The following MMP16 variants were observed in gnomAD, a reference collection of about 807,000 sequenced individuals.
MMP16 encodes the protein matrix metalloproteinase-16.
MMP16 carries 12 observed loss-of-function variants against 67.8 expected under a neutral mutation model. The observed-to-expected ratio is 0.18, with a 90% confidence interval of 0.11 to 0.29. The LOEUF is 0.29. Ranked by LOEUF, MMP16 falls within the 10% of genes least tolerant of loss-of-function variation. The probability of loss-of-function intolerance (pLI) is 1.00; values close to 1 mark genes in which losing one functional copy is unlikely to be tolerated. For synonymous variants in MMP16, 249 were observed against 255.9 expected (o/e 0.97, Z 0.26); for missense variants, 475 against 765.7 (o/e 0.62, Z 4.48).
intron 3 of MMP16, among the ~76,000 whole-genome samples, chr8:88,173,404 G>GA (rs902699680): frequency 1.7e-4 from 26 of 151,402 alleles, no homozygotes; most frequent in African/African-American, 4.6e-4. Context: ...CCTAATATTA[G>GA]AAAAAAAACT....
intron 1 of MMP16, among the ~76,000 whole-genome samples, chr8:88,203,751 CTGGTTGT>C (rs1187389020): frequency 7.9e-5 from 12 of 152,116 alleles, no homozygotes; most frequent in Admixed American, 5.2e-4. Flanking sequence ...TAGATGTTTG[CTGGTTGT>C]TTCATAGCAA....
chr8:88,161,564 T>C (rs1206139890), intron 4 of MMP16, among the ~76,000 whole-genome samples: 1 of 152,204 alleles, frequency 6.6e-6, no homozygotes, highest in Non-Finnish European at 1.5e-5. Flanking sequence ...AGTTCTTCTC[T>C]GATCTTAGTT....
At chr8:88,304,511 T>A (rs1811183079) in intron 1 of MMP16, among the ~76,000 whole-genome samples, 1 of 152,048 alleles carries the variant, frequency 6.6e-6, no homozygotes, top group Non-Finnish European at 1.5e-5. Flanking sequence ...TCTCCATGGT[T>A]GAAATGACAG....
rs549757585 is a variant in MMP16, at chr8:88,032,804, A to G, written c.*8657T>C. ...GCACACCTTAAAACTCATTCAGCAA[A>G]TAAATGTGTTATTTATTTCTTTCCT... On this transcript the variant is annotated 3_prime_UTR_variant, in exon 10 of 10. Transcript: ENST00000286614. 6 of 152,248 alleles carry G rather than the reference A, an allele frequency of 3.9e-5. No homozygotes were observed. The South Asian group carries it at 1.2e-3, about 32-fold the overall frequency. The allele number at this position is 152,248 out of a possible 1,614,324, so 9.4% of individuals were successfully genotyped here. A position where few individuals can be genotyped will look rare whatever the true frequency, so the allele number is the denominator to read the frequency against.
chr8:88,089,660 T>C (rs937574084), intron 6 of MMP16, among the ~76,000 whole-genome samples: 5 of 151,948 alleles, frequency 3.3e-5, no homozygotes, highest in African/African-American at 1.2e-4. Context: ...CTGTGCAGCA[T>C]TGTGCTATGT....
chr8:88,250,518 T>C (rs1810193086), intron 1 of MMP16, among the ~76,000 whole-genome samples: 2 of 152,188 alleles, frequency 1.3e-5, no homozygotes, highest in Non-Finnish European at 1.5e-5. Context: ...TACTATTCTT[T>C]GAGAAAGCAT....
chr8:88,111,138 C>A (rs763523755), intron 6 of MMP16, among the ~76,000 whole-genome samples: 10 of 151,546 alleles, frequency 6.6e-5, no homozygotes, highest in Non-Finnish European at 1.3e-4. Flanking sequence ...GAAAGACATA[C>A]AACTATGCAA....
intron 1 of MMP16, among the ~76,000 whole-genome samples, chr8:88,289,689 AACACACACACACACAC>A (rs4043664): frequency 4.2e-5 from 6 of 144,162 alleles, no homozygotes; most frequent in South Asian, 2.3e-4. Context: ...TCCTAGAGGA[AACACACACACACACAC>A]ACACACACAC....
intron 1 of MMP16, among the ~76,000 whole-genome samples, chr8:88,309,451 G>A (rs1325738554): frequency 3.3e-5 from 5 of 151,570 alleles, no homozygotes; most frequent in African/African-American, 1.2e-4. Context: ...AGGAGGGAGG[G>A]GGGGAACTGT....
chr8:88,270,621 T>C (rs1358033608), intron 1 of MMP16, among the ~76,000 whole-genome samples: 3 of 152,178 alleles, frequency 2.0e-5, no homozygotes, highest in African/African-American at 7.2e-5. Context: ...TAAATGGTTA[T>C]TGAATTAATA....
intron 7 of MMP16, among the ~76,000 whole-genome samples, chr8:88,064,810 A>G (rs1303001407): frequency 6.6e-6 from 1 of 152,122 alleles, no homozygotes; most frequent in Non-Finnish European, 1.5e-5. Flanking sequence ...TTGAGGTCAT[A>G]TGACTTTTTG....
chr8:88,160,249 A>G (rs200448242), intron 4 of MMP16, among the ~76,000 whole-genome samples: 1 of 151,760 alleles, frequency 6.6e-6, no homozygotes, highest in Non-Finnish European at 1.5e-5. Context: ...GCGATAGTTT[A>G]CTGAGAATGA....
chr8:88,308,217 T>C (rs1811240441), intron 1 of MMP16, among the ~76,000 whole-genome samples: 1 of 152,116 alleles, frequency 6.6e-6, no homozygotes, highest in South Asian at 2.1e-4. Flanking sequence ...ACAGTGTATA[T>C]CCAAGCTCCT....
chr8:88,301,494 G>A (rs984213905), intron 1 of MMP16, among the ~76,000 whole-genome samples: 1 of 152,166 alleles, frequency 6.6e-6, no homozygotes, highest in African/African-American at 2.4e-5. Context: ...GTAAGAAGCT[G>A]ATTTATCACT....
chr8:88,116,452 A>G, intron 6 of MMP16, 55 bp downstream of exon 6: 1 of 1,460,184 alleles, frequency 6.8e-7, no homozygotes, highest in Non-Finnish European at 9.5e-7. Context: ...TGTTTTCTAA[A>G]GCAACACTAG....
chr8:88,198,908 T>C (rs1809298369), intron 1 of MMP16, among the ~76,000 whole-genome samples: 1 of 152,086 alleles, frequency 6.6e-6, no homozygotes, highest in Non-Finnish European at 1.5e-5. Context: ...TAGTTAACAG[T>C]GGTGCAGTCT....
intron 3 of MMP16, among the ~76,000 whole-genome samples, chr8:88,183,755 A>C (rs1301610813): frequency 9.1e-6 from 1 of 110,020 alleles, no homozygotes; most frequent in Admixed American, 1.4e-4. Context: ...CACTCTTGTC[A>C]TCCAGGCTGG....
At chr8:88,270,690 T>G (rs74322348) in intron 1 of MMP16, among the ~76,000 whole-genome samples, 1 of 152,186 alleles carries the variant, frequency 6.6e-6, no homozygotes, top group Non-Finnish European at 1.5e-5. Context: ...CAAAGGCAAC[T>G]CCTTTTCATT....
rs924461785 is a variant in MMP16, at chr8:88,034,641, G to C, written c.*6820C>G. ...ATTGTAACATTGATTTAAGGATAAC[G>C]CTCATATTACTACCAAAATCATTCA... On this transcript the variant is annotated 3_prime_UTR_variant, in exon 10 of 10. Coordinates refer to ENST00000286614, the MANE Select transcript of MMP16 (RefSeq NM_005941.5). The C allele has an allele frequency of 2.0e-5, 3 of 151,926 alleles. No individual in the cohort carries two copies. Among genetic ancestry groups the C allele is most frequent in the African/African-American group, 7.2e-5 (3 of 41,382 alleles). 9.4% of individuals were successfully genotyped at this position (151,926 alleles called of 1,614,324 possible).
Sources: gnomAD v4.1 joint callset for allele counts (sites outside exome capture counted in the v4.1 genomes callset) on GRCh38, gnomAD v4.1.1 for gene constraint, MANE v1.5 for transcripts, NCBI Gene and HGNC (gene_info 2026-07-23, HGNC 2026-07-21) for gene names.